FAM117A: variants seen among roughly 807,000 people sequenced by gnomAD.
FAM117A encodes the protein family with sequence similarity 117 member A, also known as protein FAM117A.
A neutral mutation model predicts 44.1 loss-of-function variants in FAM117A; 21 were observed. That is an observed-to-expected ratio of 0.48 (90% CI 0.34 to 0.69). The LOEUF is 0.69. FAM117A is among the 30% of genes least tolerant of loss of function. The pLI, the probability that FAM117A is intolerant of heterozygous loss-of-function variation, is 0.01. For synonymous variants in FAM117A, 220 were observed against 238.3 expected, an observed-to-expected ratio of 0.92 and a Z score of 0.71; for missense variants, 498 against 589.9, an observed-to-expected ratio of 0.84 and a Z score of 1.61.
intron 2 of FAM117A, among the ~76,000 whole-genome samples, chr17:49,731,096 G>C (rs1052379786): frequency 6.6e-6 from 1 of 152,138 alleles, no homozygotes; most frequent in African/African-American, 2.4e-5. Flanking sequence ...AAAATGGATC[G>C]CATTAACAAA....
At chr17:49,763,271 A>G (rs1448671560) in intron 1 of FAM117A, among the ~76,000 whole-genome samples, 2 of 152,092 alleles carry the variant, frequency 1.3e-5, no homozygotes, top group Non-Finnish European at 2.9e-5. Flanking sequence ...GGAGCTGGGC[A>G]TTTGCACCAC....
At chr17:49,768,742 C>G (rs1301228543), upstream of FAM117A, among the ~76,000 whole-genome samples, 1 of 152,126 alleles carries the variant, frequency 6.6e-6, no homozygotes, top group African/African-American at 2.4e-5. Flanking sequence ...GGTCCTAGCC[C>G]TCAGCATCTC....
intron 1 of FAM117A, among the ~76,000 whole-genome samples, chr17:49,756,616 A>G (rs1276247762): frequency 6.6e-6 from 1 of 151,960 alleles, no homozygotes; most frequent in Non-Finnish European, 1.5e-5. Flanking sequence ...CTCTCAAAAA[A>G]AAAAAAAAAG....
Position 49,732,576 on chromosome 17 carries a change from C to T in FAM117A, c.341G>A (p.Cys114Tyr), listed in dbSNP as rs1473988906. Residue 114 changes from cysteine (C) to tyrosine (Y), a missense_variant, in exon 2 of 8, where the codon TGC becomes TAC. Around this residue, in one of 3 missense-constraint regions of FAM117A, gnomAD observed 270 missense variants for 277.4 expected, o/e 0.97. Transcript: ENST00000240364. ...WPRDADGAFT[C>Y]CTNDKATQTP... ...CTGGGTGGCCTTGTCATTGGTGCAG[C>T]AGGTGAAGGCCCCATCAGCATCTCG... 6.2e-7 allele frequency: 1 copy of T among 1,614,012 alleles called. No homozygotes were observed. The highest frequency in any genetic ancestry group is 1.3e-5 in the African/African-American group (1 of 74,896).
chr17:49,739,125 A>G (rs565046105), intron 1 of FAM117A, among the ~76,000 whole-genome samples: 1 of 152,152 alleles, frequency 6.6e-6, no homozygotes, highest in South Asian at 2.1e-4. Context: ...CCTCTGGCCT[A>G]AGTTACCTCT....
chr17:49,713,658 C>G (rs1407088342), intron 7 of FAM117A, among the ~76,000 whole-genome samples: 2 of 151,964 alleles, frequency 1.3e-5, no homozygotes, highest in Admixed American at 6.6e-5. Context: ...AGGCACCCAC[C>G]ACCACACCTG....
At position 49,732,553 on chromosome 17, in the gene FAM117A, G is replaced by T; in HGVS notation, c.364C>A (p.Gln122Lys). The T allele has an allele frequency of 1.2e-6, 2 of 1,614,078 alleles. No individual in the cohort carries two copies. The highest frequency in any genetic ancestry group is 1.7e-6 in the Non-Finnish European group (2 of 1,179,988). Reference sequence around the variant, plus strand: ...CCATCAGGAGAGAGCTTCATTACCTGGGTGGCCTTGTCATTGGTGCAGCAG... The same window carrying T: ...CCATCAGGAGAGAGCTTCATTACCTTGGTGGCCTTGTCATTGGTGCAGCAG... ...FTCCTNDKAT[Q>K]TPLSWQELEG... Residue 122 changes from glutamine to lysine, a missense_variant and splice_region_variant, in exon 2 of 8, where the codon CAG becomes AAG. This residue lies in a region of FAM117A where 270 missense variants were observed against 277.4 expected (regional missense o/e 0.97). Coordinates refer to ENST00000240364, the MANE Select transcript of FAM117A (RefSeq NM_030802.4).
rs529349902 is a variant in FAM117A at position 49,772,489 on chromosome 17, C to T, written c.-621+16008G>A. ...GGTGTTGGCCGGGCGCAGTGACTCA[C>T]GCCTGTAATCTCAGCACTTTGGGAG... On this transcript the variant is annotated intron_variant, in intron 1 of 7. Transcript: ENST00000513602. Among the ~76,000 whole-genome samples, 16 of 151,994 alleles carry T rather than the reference C, an allele frequency of 1.1e-4. No individual in the cohort carries two copies. In the East Asian group the frequency reaches 1.7e-3, roughly 17 times the overall value.
upstream of FAM117A, among the ~76,000 whole-genome samples, chr17:49,767,471 T>C (rs2073748718): frequency 6.6e-6 from 1 of 152,240 alleles, no homozygotes; most frequent in African/African-American, 2.4e-5. Flanking sequence ...ATTGTCCCTA[T>C]GCTGAAGTTC....
chr17:49,785,891 A>C (rs2073804215), intron 1 of FAM117A, among the ~76,000 whole-genome samples: 1 of 152,272 alleles, frequency 6.6e-6, no homozygotes, highest in Non-Finnish European at 1.5e-5. Flanking sequence ...AGAACTGTCG[A>C]GAGTGTCAAC....
At chr17:49,763,701 A>G (rs2073732575) in intron 1 of FAM117A, among the ~76,000 whole-genome samples, 191 bp downstream of exon 1, 1 of 149,698 alleles carries the variant, frequency 6.7e-6, no homozygotes. Context: ...ACTCCGTCCC[A>G]GCGGTGCTCC....
chr17:49,771,316 T>C (rs778037526), intron 1 of FAM117A, among the ~76,000 whole-genome samples: 2 of 152,258 alleles, frequency 1.3e-5, no homozygotes, highest in Non-Finnish European at 2.9e-5. Flanking sequence ...AGGATTTAGA[T>C]ACATTTATCT....
At chr17:49,753,437 T>C (rs1160535691) in intron 1 of FAM117A, among the ~76,000 whole-genome samples, 1 of 152,226 alleles carries the variant, frequency 6.6e-6, no homozygotes, top group South Asian at 2.1e-4. Context: ...CACCTGCACC[T>C]GCAGGACTGT....
In FAM117A at chr17:49,748,863, C is replaced by T. The variant is rs1281560532; in HGVS notation, c.196+15029G>A. 2.6e-5 allele frequency among the ~76,000 whole-genome samples: 4 copies of T among 152,140 alleles called. No individual in the cohort carries two copies. In the East Asian group the frequency reaches 7.7e-4, roughly 29 times the overall value. ...TTCAAGGGCCTTCAAGGAGTACAAA[C>T]AGGTGCATAACATGTGGTTTGGTGT... On this transcript the variant is annotated intron_variant, in intron 1 of 7. Transcript: ENST00000240364.
chr17:49,785,288 G>A (rs2073802381), intron 1 of FAM117A, among the ~76,000 whole-genome samples: 1 of 152,200 alleles, frequency 6.6e-6, no homozygotes, highest in Non-Finnish European at 1.5e-5. Flanking sequence ...CAGATGGGAG[G>A]ATGGCTTGAG....
chr17:49,776,866 G>T (rs1435543751), intron 1 of FAM117A, among the ~76,000 whole-genome samples: 1 of 152,172 alleles, frequency 6.6e-6, no homozygotes, highest in Non-Finnish European at 1.5e-5. Context: ...GAGACTTGAC[G>T]GAAGAGGGTG....
At chr17:49,771,488 A>T (rs75500803) in intron 1 of FAM117A, among the ~76,000 whole-genome samples, 1 of 1,008 alleles carries the variant, frequency 9.9e-4, no homozygotes. Context: ...TTTCTCATTA[A>T]AAAAAAAAAA....
chr17:49,754,386 G>A (rs896706605), intron 1 of FAM117A, among the ~76,000 whole-genome samples: 3 of 151,738 alleles, frequency 2.0e-5, no homozygotes, highest in Non-Finnish European at 4.4e-5. Flanking sequence ...CGCACTGCAA[G>A]CTCTGTCTCC....
At chr17:49,759,065 A>G (rs1233047577) in intron 1 of FAM117A, among the ~76,000 whole-genome samples, 1 of 152,216 alleles carries the variant, frequency 6.6e-6, no homozygotes, top group Non-Finnish European at 1.5e-5. Flanking sequence ...ACTGCTTGCA[A>G]CTTTCTAAAG....
Sources: allele counts gnomAD v4.1 joint callset (sites outside exome capture counted in the v4.1 genomes callset), GRCh38; gene constraint gnomAD v4.1.1; regional missense constraint gnomAD v4.1.1; transcripts MANE v1.5; gene names NCBI Gene and HGNC (gene_info 2026-07-23, HGNC 2026-07-21).